The following SGPP2 variants were observed in gnomAD, a reference collection of about 807,000 sequenced individuals.
The protein encoded by SGPP2 is sphingosine 1-phosphate phosphohydrolase 2.
SGPP2 carries 30 observed loss-of-function variants against 33.9 expected under a neutral mutation model. The ratio of observed to expected loss-of-function variants is 0.89; its 90% confidence interval spans 0.66 to 1.20. SGPP2 has a LOEUF of 1.20. SGPP2 is among the 50% of genes most tolerant of loss of function. The probability of loss-of-function intolerance (pLI) is 0.00; values close to 1 mark genes in which losing one functional copy is unlikely to be tolerated. For synonymous variants in SGPP2, 233 were observed against 225.0 expected (o/e 1.04, Z -0.32); for missense variants, 458 against 532.1 (o/e 0.86, Z 1.37).
In SGPP2 at chr2:222,521,859, C is replaced by G; in HGVS notation, c.471C>G (p.Ile157Met). Residue 157 changes from isoleucine to methionine, a missense_variant, in exon 3 of 5, where the codon ATC (isoleucine) becomes ATG (methionine). Coordinates refer to ENST00000321276, the MANE Select transcript of SGPP2 (RefSeq NM_152386.4). ...TTGTAAAACTGGAAAAGAGACTGAT[C>G]GCTGAATATGGAATGCCATCCACCC... The part of the protein sequence containing the change: ...PPVVKLEKRL[I>M]AEYGMPSTHA... 6.2e-6 allele frequency: 10 copies of G among 1,610,900 alleles called. No homozygotes were observed. Among genetic ancestry groups the G allele is most frequent in the Middle Eastern group, 1.6e-4 (1 of 6,062 alleles).
intron 1 of SGPP2, among the ~76,000 whole-genome samples, chr2:222,436,311 G>A (rs1697239755): frequency 6.6e-6 from 1 of 152,146 alleles, no homozygotes; most frequent in Non-Finnish European, 1.5e-5. Flanking sequence ...TTTTGCTAGT[G>A]AATCCCTAGG....
At chr2:222,552,029 G>A (rs376686200) in intron 4 of SGPP2, among the ~76,000 whole-genome samples, 1 of 152,116 alleles carries the variant, frequency 6.6e-6, no homozygotes, top group Non-Finnish European at 1.5e-5. Context: ...AGGTTGCTGT[G>A]AGTGCCATTA....
At chr2:222,512,013 T>C (rs1383717397) in intron 2 of SGPP2, among the ~76,000 whole-genome samples, 1 of 150,370 alleles carries the variant, frequency 6.7e-6, no homozygotes, top group African/African-American at 2.5e-5. Flanking sequence ...CTTTTATTTA[T>C]TTATTTATTT....
chr2:222,450,436 A>G (rs948566578), intron 1 of SGPP2, among the ~76,000 whole-genome samples: 1 of 152,204 alleles, frequency 6.6e-6, no homozygotes, highest in Non-Finnish European at 1.5e-5. Context: ...GTTATAGGCT[A>G]TCATTTTCTA....
At position 222,558,797 on chromosome 2, in the gene SGPP2, C is replaced by A. The variant is rs1689468409; in HGVS notation, c.1099C>A (p.Leu367Met). 2.5e-6 allele frequency: 4 copies of A among 1,614,152 alleles called. No homozygotes were observed. Among genetic ancestry groups the A allele is most frequent in the Non-Finnish European group, 3.4e-6 (4 of 1,180,040 alleles). Residue 367 changes from leucine to methionine, a missense_variant, in exon 5 of 5, where the codon CTG becomes ATG. Leu to Met is a conservative substitution (Grantham distance 15). Transcript: ENST00000321276. The part of the protein sequence containing the change: ...VTRNKEARRR[L>M]EIEVPYKFVT... ...CAGGAACAAGGAGGCCAGGCGGAGA[C>A]TGGAGATTGAAGTGCCTTACAAGTT...
chr2:222,433,349 C>T (rs941592660), intron 1 of SGPP2, among the ~76,000 whole-genome samples: 5 of 152,038 alleles, frequency 3.3e-5, no homozygotes, highest in African/African-American at 4.8e-5. Context: ...GTGGGGATCT[C>T]GCAGTGCAAC....
chr2:222,468,938 C>G (rs1383872102), intron 1 of SGPP2, among the ~76,000 whole-genome samples: 1 of 152,018 alleles, frequency 6.6e-6, no homozygotes, highest in Non-Finnish European at 1.5e-5. Flanking sequence ...AAAGAACTTA[C>G]GACCTGAAAG....
rs746071039 is a variant in SGPP2 at position 222,535,652 on chromosome 2, G to A, written c.648+10619G>A. On this transcript the variant is annotated intron_variant, in intron 4 of 4. Transcript: ENST00000321276. ...AGAAGCCACTCGCATCCTTTCTGCC[G>A]CAGTGGAGAAACCAGTTGGCCTCTG... is the stretch of plus-strand genomic sequence containing the variant. 1.6e-4 allele frequency among the ~76,000 whole-genome samples: 24 copies of A among 152,238 alleles called. 1 individual carries two copies. The highest frequency in any genetic ancestry group is 3.2e-4 in the Non-Finnish European group (22 of 68,038).
chr2:222,522,146 T>C (rs1036612272), intron 3 of SGPP2, among the ~76,000 whole-genome samples, 200 bp downstream of exon 3: 2 of 152,262 alleles, frequency 1.3e-5, no homozygotes, highest in Non-Finnish European at 2.9e-5. Flanking sequence ...AATCAGGTTA[T>C]GCCTGTGTGT....
intron 2 of SGPP2, among the ~76,000 whole-genome samples, chr2:222,480,272 T>C (rs1471055760): frequency 6.6e-6 from 1 of 152,246 alleles, no homozygotes; most frequent in African/African-American, 2.4e-5. Context: ...AATTCCTCAT[T>C]TTGTGAAATA....
intron 1 of SGPP2, among the ~76,000 whole-genome samples, chr2:222,467,518 A>G (rs1697764754): frequency 6.6e-6 from 1 of 152,184 alleles, no homozygotes; most frequent in Admixed American, 6.5e-5. Flanking sequence ...TTATCCGGGT[A>G]GGGAGCATAG....
At chr2:222,553,833 G>A (rs1483991363) in intron 4 of SGPP2, among the ~76,000 whole-genome samples, 2 of 152,200 alleles carry the variant, frequency 1.3e-5, no homozygotes, top group Non-Finnish European at 2.9e-5. Context: ...GAGGTGATCT[G>A]AGTGGCAGAA....
At chr2:222,468,763 A>G (rs1386087586) in intron 1 of SGPP2, among the ~76,000 whole-genome samples, 1 of 152,220 alleles carries the variant, frequency 6.6e-6, no homozygotes, top group African/African-American at 2.4e-5. Context: ...TTCTTCCACC[A>G]TGCAGTCAAT....
Position 222,505,867 on chromosome 2 carries a change from C to T in SGPP2, c.379-15900C>T, listed in dbSNP as rs148253504. 4.5e-3 allele frequency among the ~76,000 whole-genome samples: 659 copies of T among 146,888 alleles called. 7 individuals are homozygous for T. Among genetic ancestry groups the T allele is most frequent in the African/African-American group, 0.016 (631 of 39,420 alleles). The stretch of plus-strand genomic sequence containing the variant: ...GGAGAATCATCTGAGCCCTGGAGGT[C>T]GAGGCTGCAGTGAACTGTGATTGTA... On this transcript the variant is annotated intron_variant, in intron 2 of 4. Coordinates refer to ENST00000321276, the MANE Select transcript of SGPP2 (RefSeq NM_152386.4).
intron 4 of SGPP2, among the ~76,000 whole-genome samples, chr2:222,556,360 T>C (rs1331927074): frequency 1.3e-5 from 2 of 151,826 alleles, no homozygotes; most frequent in African/African-American, 4.8e-5. Context: ...GGAACTGAAG[T>C]GCGTACTGGT....
At chr2:222,509,584 C>T (rs1262773481) in intron 2 of SGPP2, among the ~76,000 whole-genome samples, 2 of 152,170 alleles carry the variant, frequency 1.3e-5, no homozygotes, top group Non-Finnish European at 2.9e-5. Context: ...CAGAATTGAA[C>T]AGGATTTTTG....
intron 2 of SGPP2, among the ~76,000 whole-genome samples, chr2:222,516,214 A>T (rs991052688): frequency 6.6e-6 from 1 of 152,210 alleles, no homozygotes; most frequent in African/African-American, 2.4e-5. Flanking sequence ...CTGTCATTAT[A>T]AAGTAGTTTA....
At chr2:222,517,177 G>C (rs1464466475) in intron 2 of SGPP2, among the ~76,000 whole-genome samples, 2 of 152,144 alleles carry the variant, frequency 1.3e-5, no homozygotes, top group Non-Finnish European at 2.9e-5. Context: ...AGAAGAGGGT[G>C]GTCCCCTGGC....
intron 1 of SGPP2, among the ~76,000 whole-genome samples, chr2:222,462,195 G>T (rs2106085211): frequency 6.6e-6 from 1 of 152,210 alleles, no homozygotes; most frequent in Non-Finnish European, 1.5e-5. Context: ...CAAGCAGATG[G>T]TGGCGGGGAA....
Sources: gnomAD v4.1 joint callset for allele counts (sites outside exome capture counted in the v4.1 genomes callset) on GRCh38, gnomAD v4.1.1 for gene constraint, MANE v1.5 for transcripts, NCBI Gene and HGNC (gene_info 2026-07-23, HGNC 2026-07-21) for gene names.